Variants in SMYD3 observed in about 807,000 individuals in gnomAD.
SMYD3 encodes SET and MYND domain containing 3.
A neutral mutation model predicts 57.7 loss-of-function variants in SMYD3; 36 were observed. That is an observed-to-expected ratio of 0.62 (90% CI 0.48 to 0.82). The LOEUF is 0.82. Ranked by LOEUF, SMYD3 falls within the 40% of genes least tolerant of loss-of-function variation. The pLI, the probability that SMYD3 is intolerant of heterozygous loss-of-function variation, is 0.00. For missense variants in SMYD3, 515 were observed against 538.8 expected, an observed-to-expected ratio of 0.96 and a Z score of 0.44; for synonymous variants, 211 against 195.0, an observed-to-expected ratio of 1.08 and a Z score of -0.68.
In SMYD3 at chr1:246,062,993, G is replaced by A. The variant is rs181287398; in HGVS notation, c.532-133056C>T. 6.2e-4 allele frequency among the ~76,000 whole-genome samples: 94 copies of A among 152,232 alleles called. 1 individual carries two copies. Among genetic ancestry groups the A allele is most frequent in the African/African-American group, 2.1e-3 (86 of 41,534 alleles). On this transcript the variant is annotated intron_variant, in intron 5 of 11. Transcript: ENST00000490107. Reference sequence around the variant, plus strand: ...CTCCCAAACCTGCTACCACTTTTGCGTTCTTTATGCTATGAGAGGTACCAC... The same window carrying A: ...CTCCCAAACCTGCTACCACTTTTGCATTCTTTATGCTATGAGAGGTACCAC...
intron 1 of SMYD3, among the ~76,000 whole-genome samples, chr1:246,369,333 AT>A (rs1272840945): frequency 6.6e-6 from 1 of 152,180 alleles, no homozygotes; most frequent in African/African-American, 2.4e-5. Context: ...CAAATTCAGA[AT>A]TTTATAAACC....
chr1:246,163,353 C>T (rs2062153555), intron 5 of SMYD3, among the ~76,000 whole-genome samples: 1 of 152,226 alleles, frequency 6.6e-6, no homozygotes, highest in Non-Finnish European at 1.5e-5. Flanking sequence ...GTCTTTATAA[C>T]ACTGCTAAGC....
chr1:245,976,995 G>A (rs1194062177), intron 5 of SMYD3, among the ~76,000 whole-genome samples: 2 of 72,816 alleles, frequency 2.7e-5, no homozygotes, highest in East Asian at 4.0e-4. Flanking sequence ...GAAAGCCATC[G>A]TCTCTAGCCC....
At chr1:246,487,626 A>C (rs2068208472) in intron 1 of SMYD3, among the ~76,000 whole-genome samples, 1 of 152,124 alleles carries the variant, frequency 6.6e-6, no homozygotes, top group Non-Finnish European at 1.5e-5. Flanking sequence ...TACAAGAAAA[A>C]TAGTTACAAG....
intron 6 of SMYD3, 26 bp from the exon 7 acceptor site, chr1:245,928,059 G>A: frequency 1.3e-6 from 2 of 1,579,622 alleles, no homozygotes; most frequent in Non-Finnish European, 1.7e-6. Flanking sequence ...GGGGAAGACT[G>A]TCACAGCTCA....
intron 10 of SMYD3, among the ~76,000 whole-genome samples, chr1:245,818,287 C>A (rs2048967059): frequency 6.6e-6 from 1 of 152,096 alleles, no homozygotes; most frequent in Non-Finnish European, 1.5e-5. Context: ...TCATATCCAG[C>A]CAAACTAAGC....
At chr1:245,950,621 G>A (rs988404104) in intron 5 of SMYD3, among the ~76,000 whole-genome samples, 4 of 152,124 alleles carry the variant, frequency 2.6e-5, no homozygotes, top group Admixed American at 6.5e-5. Context: ...TCACCATTCC[G>A]AGTCGGTCGT....
At chr1:245,835,525 T>G (rs1044306224) in intron 10 of SMYD3, among the ~76,000 whole-genome samples, 1 of 152,206 alleles carries the variant, frequency 6.6e-6, no homozygotes, top group Non-Finnish European at 1.5e-5. Context: ...TGAGACAATC[T>G]GCTGAAATAT....
intron 1 of SMYD3, among the ~76,000 whole-genome samples, chr1:246,463,674 A>AAC (rs1194667023): frequency 6.7e-6 from 1 of 149,066 alleles, no homozygotes; most frequent in Non-Finnish European, 1.5e-5. Flanking sequence ...AAAAAAAAAA[A>AAC]AAAAAAAAAA....
chr1:246,164,943 G>A (rs377405949), intron 5 of SMYD3, among the ~76,000 whole-genome samples: 6 of 152,302 alleles, frequency 3.9e-5, no homozygotes, highest in East Asian at 1.9e-4. Context: ...ACACAGAGAC[G>A]GTGAATGAAG....
At chr1:245,987,105 A>T (rs535975917) in intron 5 of SMYD3, among the ~76,000 whole-genome samples, 1 of 152,236 alleles carries the variant, frequency 6.6e-6, no homozygotes, top group Non-Finnish European at 1.5e-5. Context: ...ACACACTTTT[A>T]TGATGAAACC....
intron 5 of SMYD3, among the ~76,000 whole-genome samples, chr1:246,264,931 C>G (rs753303680): frequency 6.6e-6 from 1 of 152,070 alleles, no homozygotes; most frequent in Middle Eastern, 3.2e-3. Context: ...AGTCTTATTA[C>G]GAGATGAACA....
At chr1:245,791,487 GCTCA>G (rs1454918916) in intron 10 of SMYD3, among the ~76,000 whole-genome samples, 3 of 152,146 alleles carry the variant, frequency 2.0e-5, no homozygotes, top group African/African-American at 7.2e-5. Context: ...AGGTTTACGT[GCTCA>G]CTGTCTGTGT....
At chr1:246,052,248 G>A (rs970447944) in intron 5 of SMYD3, among the ~76,000 whole-genome samples, 2 of 152,160 alleles carry the variant, frequency 1.3e-5, no homozygotes, top group African/African-American at 4.8e-5. Context: ...CATCCAAGTA[G>A]GTCACATTCT....
intron 10 of SMYD3, among the ~76,000 whole-genome samples, chr1:245,844,858 T>C (rs2050585383): frequency 6.6e-6 from 1 of 150,398 alleles, no homozygotes; most frequent in East Asian, 1.9e-4. Flanking sequence ...CTGTGGTCAA[T>C]CACATACACA....
At chr1:246,170,792 TCA>T (rs1337449196) in intron 5 of SMYD3, among the ~76,000 whole-genome samples, 1 of 152,196 alleles carries the variant, frequency 6.6e-6, no homozygotes, top group African/African-American at 2.4e-5. Flanking sequence ...GTTATAATGC[TCA>T]GTCTTATCAT....
chr1:246,023,362 C>T (rs76200347), intron 5 of SMYD3, among the ~76,000 whole-genome samples: 8,943 of 152,194 alleles, frequency 0.059, 290 homozygotes, highest in African/African-American at 0.068. Flanking sequence ...AGCTAGCTCT[C>T]GCAGATTAAT....
At chr1:246,276,788 T>G (rs2064342703) in intron 5 of SMYD3, among the ~76,000 whole-genome samples, 1 of 150,618 alleles carries the variant, frequency 6.6e-6, no homozygotes, top group Non-Finnish European at 1.5e-5. Flanking sequence ...GTATTAACAC[T>G]GGCAAGTTAC....
intron 5 of SMYD3, among the ~76,000 whole-genome samples, chr1:245,992,612 T>C: frequency 2.6e-5 from 1 of 38,162 alleles, no homozygotes; most frequent in Non-Finnish European, 6.9e-5. Context: ...GGAGTGGTCA[T>C]GGATCGCCCA....
Sources: allele counts gnomAD v4.1 joint callset (sites outside exome capture counted in the v4.1 genomes callset), GRCh38; gene constraint gnomAD v4.1.1; transcripts MANE v1.5; gene names NCBI Gene and HGNC (gene_info 2026-07-23, HGNC 2026-07-21).